Variants in XG observed in about 807,000 individuals in gnomAD.
The protein encoded by XG is glycoprotein Xg.
In XG, 24 loss-of-function variants were observed where a neutral mutation model predicts 25.7. That is an observed-to-expected ratio of 0.93 (90% CI 0.68 to 1.31). The LOEUF (loss-of-function observed/expected upper bound fraction) is 1.31. Ranked by LOEUF, XG falls within the 40% of genes most tolerant of loss-of-function variation. The pLI is 0.00. For synonymous variants in XG, 77 were observed against 69.2 expected (o/e 1.11, Z -0.56); for missense variants, 181 against 187.6 (o/e 0.96, Z 0.21).
chrX:2,802,871 G>C (rs985047411), intron 7 of XG, among the ~76,000 whole-genome samples: 9 of 110,717 alleles, frequency 8.1e-5, no homozygotes, highest in Non-Finnish European at 1.7e-4. Context: ...TCTGATCCCC[G>C]GGGAAGAAGG....
At chrX:2,782,244 A>G (rs2086736859) in intron 4 of XG, 116 bp downstream of exon 4, 3 of 817,867 alleles carry the variant, frequency 3.7e-6, no homozygotes, top group Non-Finnish European at 5.4e-6. Flanking sequence ...TAGCTCCCTT[A>G]CTGGGAATGT....
intron 7 of XG, among the ~76,000 whole-genome samples, chrX:2,801,489 G>A (rs777469810): frequency 2.7e-5 from 3 of 111,033 alleles, no homozygotes; most frequent in East Asian, 5.7e-4. Flanking sequence ...TCTACATAGT[G>A]CGTGGGGAAG....
rs779882800 is a variant in XG at position 2,762,304 on chromosome X, C to T, written c.62-8246C>T. Among the ~76,000 whole-genome samples the T allele has an allele frequency of 1.3e-3, 191 of 152,274 alleles. No individual in the cohort carries two copies. The Middle Eastern group carries it at 0.044, about 35-fold the overall frequency. The stretch of plus-strand genomic sequence containing the variant: ...CCTGAATTCTCATTACCAATGTCTG[C>T]TCTAATAGAGCTTCAATCTGCAACT... On this transcript the variant is annotated intron_variant, in intron 1 of 10. Coordinates refer to ENST00000644266, the MANE Select transcript of XG (RefSeq NM_001141919.2).
intron 5 of XG, 83 bp downstream of exon 5, chrX:2,789,789 T>C (rs1242635051): frequency 6.8e-6 from 3 of 444,292 alleles, no homozygotes; most frequent in East Asian, 5.6e-5. Context: ...GTTATTTTAC[T>C]TTATTTTACC....
chrX:2,765,452 C>T (rs149038203), intron 1 of XG, among the ~76,000 whole-genome samples: 3,840 of 150,232 alleles, frequency 0.026, 73 homozygotes, highest in Non-Finnish European at 0.041. Context: ...CACCAGGGCA[C>T]GCAGATCAAA....
chrX:2,782,408 G>C (rs913913571), intron 4 of XG, among the ~76,000 whole-genome samples: 9 of 112,117 alleles, frequency 8.0e-5, no homozygotes, highest in African/African-American at 2.9e-4. Flanking sequence ...GATTTATCAA[G>C]ATAGGGGAAC....
At chrX:2,766,109 C>G (rs909811948) in intron 1 of XG, among the ~76,000 whole-genome samples, 1 of 152,140 alleles carries the variant, frequency 6.6e-6, no homozygotes, top group African/African-American at 2.4e-5. Flanking sequence ...GAAACCCAGC[C>G]AGGCCTGTGT....
chrX:2,774,658 T>G, intron 2 of XG, 58 bp from the exon 3 acceptor site: 2 of 1,606,200 alleles, frequency 1.2e-6, no homozygotes, highest in Non-Finnish European at 1.7e-6. Context: ...TGGCCTTTCT[T>G]CATGCTTCCA....
At chrX:2,793,229 C>T (rs145246645) in intron 5 of XG, among the ~76,000 whole-genome samples, 68 of 111,918 alleles carry the variant, frequency 6.1e-4, no homozygotes, top group Non-Finnish European at 6.4e-4. Flanking sequence ...ATGTTTCCTA[C>T]CCCCTAGAGT....
chrX:2,766,577 T>A (rs1386452383), intron 1 of XG, among the ~76,000 whole-genome samples: 2 of 112,690 alleles, frequency 1.8e-5, no homozygotes, highest in Middle Eastern at 4.5e-3. Flanking sequence ...TTTTTTTTTT[T>A]TTTTCAAGAC....
At chrX:2,811,756 T>C (rs2087059504) in intron 10 of XG, among the ~76,000 whole-genome samples, 1 of 110,917 alleles carries the variant, frequency 9.0e-6, no homozygotes, top group Admixed American at 9.6e-5. Context: ...CCACCACGCC[T>C]GGCTAATTTT....
At chrX:2,759,909 A>G (rs1446286908) in intron 1 of XG, among the ~76,000 whole-genome samples, 1 of 152,026 alleles carries the variant, frequency 6.6e-6, no homozygotes, top group African/African-American at 2.4e-5. Flanking sequence ...AGGCTGGGAA[A>G]CTCTGCTGTA....
At chrX:2,779,589 A>G (rs2051075308) in intron 3 of XG, among the ~76,000 whole-genome samples, 1 of 152,154 alleles carries the variant, frequency 6.6e-6, no homozygotes, top group African/African-American at 2.4e-5. Flanking sequence ...CAGCTGCTGA[A>G]GTCTCTGATA....
chrX:2,800,337 C>A (rs956622272), intron 7 of XG, among the ~76,000 whole-genome samples: 28 of 111,578 alleles, frequency 2.5e-4, no homozygotes, highest in Non-Finnish European at 4.7e-4. Context: ...TCTCCTACAT[C>A]CAGGAAAAGC....
At chrX:2,759,800 G>A (rs1158574877) in intron 1 of XG, among the ~76,000 whole-genome samples, 1 of 152,198 alleles carries the variant, frequency 6.6e-6, no homozygotes, top group African/African-American at 2.4e-5. Context: ...CCTGCAGGTG[G>A]GGCTCTGCCA....
intron 5 of XG, among the ~76,000 whole-genome samples, chrX:2,790,795 T>C (rs1306664980): frequency 8.9e-6 from 1 of 111,744 alleles, no homozygotes; most frequent in African/African-American, 3.3e-5. Context: ...AGTGAGACTC[T>C]GTCTCAAAAA....
At chrX:2,774,687 T>C (rs773573294) in intron 2 of XG, 29 bp from the exon 3 acceptor site, 8 of 1,613,140 alleles carry the variant, frequency 5.0e-6, no homozygotes, top group Non-Finnish European at 6.8e-6. Flanking sequence ...TCAATGCATA[T>C]TGCATTTATT....
At chrX:2,763,312 C>A (rs1031094107) in intron 1 of XG, among the ~76,000 whole-genome samples, 12 of 152,168 alleles carry the variant, frequency 7.9e-5, no homozygotes, top group Non-Finnish European at 1.8e-4. Flanking sequence ...CCATGCCCAG[C>A]CAAGATAACA....
chrX:2,766,936 G>A (rs759402777), intron 1 of XG, among the ~76,000 whole-genome samples: 39 of 152,122 alleles, frequency 2.6e-4, no homozygotes, highest in East Asian at 7.7e-4. Flanking sequence ...GGCTGGCTTC[G>A]GGGGGAAAGG....
Sources: gnomAD v4.1 joint callset for allele counts (sites outside exome capture counted in the v4.1 genomes callset) on GRCh38, gnomAD v4.1.1 for gene constraint, MANE v1.5 for transcripts, NCBI Gene and HGNC (gene_info 2026-07-23, HGNC 2026-07-21) for gene names.